The following PRKN variants were observed in gnomAD, a reference collection of about 807,000 sequenced individuals.
The protein encoded by PRKN is E3 ubiquitin-protein ligase parkin.
Under a neutral mutation model 59.5 loss-of-function variants are expected in PRKN, and 56 were observed. The ratio of observed to expected loss-of-function variants is 0.94; its 90% CI spans 0.76 to 1.18. The LOEUF is 1.18. Among genes scored for constraint, PRKN ranks in the 50% most tolerant of loss-of-function variants. PRKN has a pLI of 0.00. For missense variants in PRKN, 657 were observed against 596.4 expected (o/e 1.10, Z -1.06); for synonymous variants, 250 against 222.1 (o/e 1.13, Z -1.12).
At chr6:161,831,004 C>A (rs1306803675) in intron 6 of PRKN, among the ~76,000 whole-genome samples, 1 of 152,186 alleles carries the variant, frequency 6.6e-6, no homozygotes, top group East Asian at 1.9e-4. Flanking sequence ...GCTCCACATT[C>A]TGGTTCATCT....
chr6:161,617,395 A>G (rs1782737271), intron 7 of PRKN, among the ~76,000 whole-genome samples: 1 of 152,242 alleles, frequency 6.6e-6, no homozygotes, highest in Admixed American at 6.5e-5. Context: ...AGGTGTGCAG[A>G]AGCTTCTTTT....
intron 1 of PRKN, among the ~76,000 whole-genome samples, chr6:162,509,593 A>G (rs1231127972): frequency 6.6e-6 from 1 of 152,184 alleles, no homozygotes; most frequent in African/African-American, 2.4e-5. Flanking sequence ...AATCATTAAA[A>G]AATAAATTAG....
At chr6:161,787,867 A>G (rs1790485259) in intron 6 of PRKN, among the ~76,000 whole-genome samples, 1 of 152,140 alleles carries the variant, frequency 6.6e-6, no homozygotes, top group Non-Finnish European at 1.5e-5. Context: ...AATGGCATGA[A>G]CGCGGGAGCT....
At chr6:161,696,174 G>C (rs1786015551) in intron 7 of PRKN, among the ~76,000 whole-genome samples, 1 of 152,122 alleles carries the variant, frequency 6.6e-6, no homozygotes, top group Admixed American at 6.5e-5. Flanking sequence ...AAAAGGGCTT[G>C]GAAATGGTAA....
chr6:162,585,566 TAGC>T (rs1465805162), intron 1 of PRKN, among the ~76,000 whole-genome samples: 1 of 152,186 alleles, frequency 6.6e-6, no homozygotes, highest in African/African-American at 2.4e-5. Flanking sequence ...TATTTCCTGT[TAGC>T]AGTTATTTAC....
intron 9 of PRKN, among the ~76,000 whole-genome samples, chr6:161,474,172 G>C (rs781501387): frequency 8.5e-5 from 13 of 152,260 alleles, no homozygotes; most frequent in Non-Finnish European, 1.3e-4. Context: ...CTGTTTACTA[G>C]TACCATGTAC....
chr6:161,771,153 G>A lies in PRKN; in HGVS notation c.871+14619C>T, dbSNP rs920881219. Reference sequence around the variant, plus strand: ...GGGCGGATTACGAGGTCAGGAGATCGAGACCATCCTGGCTAACACGGTGAA... The same window carrying A: ...GGGCGGATTACGAGGTCAGGAGATCAAGACCATCCTGGCTAACACGGTGAA... On this transcript the variant is annotated intron_variant, in intron 7 of 11. Coordinates refer to ENST00000366898, the MANE Select transcript of PRKN (RefSeq NM_004562.3). Among the ~76,000 whole-genome samples the A allele has an allele frequency of 4.1e-4, 62 of 151,942 alleles. 1 individual carries two copies. Among genetic ancestry groups the A allele is most frequent in the African/African-American group, 1.5e-3 (61 of 41,450 alleles).
intron 6 of PRKN, among the ~76,000 whole-genome samples, chr6:161,799,664 T>C (rs1042965458): frequency 6.6e-6 from 1 of 152,220 alleles, no homozygotes; most frequent in Admixed American, 6.5e-5. Flanking sequence ...TCATTGTCTC[T>C]TCAGATTGGA....
At chr6:162,395,545 C>T (rs1281371796) in intron 2 of PRKN, among the ~76,000 whole-genome samples, 1 of 152,156 alleles carries the variant, frequency 6.6e-6, no homozygotes, top group East Asian at 1.9e-4. Flanking sequence ...TCAAGAATCG[C>T]CCAGCAGTCT....
chr6:162,577,979 G>T (rs1780629608), intron 1 of PRKN, among the ~76,000 whole-genome samples: 1 of 152,054 alleles, frequency 6.6e-6, no homozygotes, highest in Non-Finnish European at 1.5e-5. Context: ...AAATACAATT[G>T]GCAAAAATGA....
chr6:162,325,569 T>A (rs1027477651), intron 2 of PRKN, among the ~76,000 whole-genome samples: 1 of 152,226 alleles, frequency 6.6e-6, no homozygotes, highest in Non-Finnish European at 1.5e-5. Flanking sequence ...AGCAGGACAG[T>A]GGAATGCTAC....
chr6:162,403,584 G>T lies in PRKN; in HGVS notation c.171+39726C>A, dbSNP rs545796717. 2.0e-5 allele frequency among the ~76,000 whole-genome samples: 3 copies of T among 152,256 alleles called. No individual in the cohort carries two copies. The South Asian group carries it at 6.2e-4, about 32-fold the overall frequency. ...CGGTGATTCCTTTCCATTGTGTGAA[G>T]CTGTAACCCCCACACCTAAAACACA... On this transcript the variant is annotated intron_variant, in intron 2 of 11. Coordinates refer to ENST00000366898, the MANE Select transcript of PRKN (RefSeq NM_004562.3).
Position 162,215,716 on chromosome 6 carries a change from G to A in PRKN, c.413-14464C>T, listed in dbSNP as rs150337449. Among the ~76,000 whole-genome samples the A allele has an allele frequency of 4.8e-3, 729 of 152,158 alleles. 9 individuals carry two copies. Among genetic ancestry groups the A allele is most frequent in the African/African-American group, 0.017 (696 of 41,494 alleles). ...CTTTGGAGTTGAGGATGAAGCTTTT[G>A]ATGGGCATCACTGAATACAGGAGCA... On this transcript the variant is annotated intron_variant, in intron 3 of 11. Transcript: ENST00000366898.
In PRKN at chr6:161,483,960, A is replaced by C. The variant is rs1791532755; in HGVS notation, c.1083+64894T>G. Among the ~76,000 whole-genome samples the C allele has an allele frequency of 6.6e-6, 1 of 152,180 alleles. No individual in the cohort carries two copies. The highest frequency in any genetic ancestry group is 1.5e-5 in the Non-Finnish European group (1 of 68,030). ...CAAACACTGCCTGTTCTCACTTATA[A>C]GTGGGAGCTGAATGATGAGCACACA... On this transcript the variant is annotated intron_variant, in intron 9 of 11. Coordinates refer to ENST00000366898, the MANE Select transcript of PRKN (RefSeq NM_004562.3). This position sits in a 1 kb window ranked among gnomAD's most constrained non-coding sequence, Gnocchi z 5.0.
chr6:162,359,291 G>A (rs953865739), intron 2 of PRKN, among the ~76,000 whole-genome samples: 4 of 151,592 alleles, frequency 2.6e-5, no homozygotes, highest in African/African-American at 4.9e-5. Flanking sequence ...AAGGACATTC[G>A]GAAAATTAGG....
At chr6:162,326,633 T>A (rs760302162) in intron 2 of PRKN, among the ~76,000 whole-genome samples, 1 of 152,096 alleles carries the variant, frequency 6.6e-6, no homozygotes, top group African/African-American at 2.4e-5. Flanking sequence ...GCAGAAGAGA[T>A]TCATAAATCA....
At chr6:162,172,962 A>C (rs1167055320) in intron 4 of PRKN, among the ~76,000 whole-genome samples, 1 of 152,160 alleles carries the variant, frequency 6.6e-6, no homozygotes, top group Non-Finnish European at 1.5e-5. Context: ...GGCTGAACCC[A>C]CAGAAACAGC....
intron 5 of PRKN, among the ~76,000 whole-genome samples, chr6:162,030,964 A>C (rs1432235178): frequency 6.6e-6 from 1 of 152,224 alleles, no homozygotes; most frequent in Non-Finnish European, 1.5e-5. Flanking sequence ...TAAATGGGGA[A>C]GGAAGAATGA....
At chr6:162,398,426 T>C (rs906906873) in intron 2 of PRKN, among the ~76,000 whole-genome samples, 2 of 152,008 alleles carry the variant, frequency 1.3e-5, no homozygotes, top group Admixed American at 1.3e-4. Flanking sequence ...GTTTTGCTCT[T>C]ATCACCCAGG....
Sources: gnomAD v4.1 joint callset for allele counts (sites outside exome capture counted in the v4.1 genomes callset) on GRCh38, gnomAD v4.1.1 for gene constraint, Gnocchi (gnomAD v3.1) non-coding constraint, MANE v1.5 for transcripts, NCBI Gene and HGNC (gene_info 2026-07-23, HGNC 2026-07-21) for gene names.